DPH6: variants seen among roughly 807,000 people sequenced by gnomAD.
DPH6 encodes the protein diphthine--ammonia ligase.
In DPH6, 33 loss-of-function variants were observed where a neutral mutation model predicts 38.2. The observed-to-expected ratio is 0.86, with a 90% CI of 0.65 to 1.15. The LOEUF is 1.15. Ranked by LOEUF, DPH6 falls within the 50% of genes most tolerant of loss-of-function variation. The pLI is 0.00. For missense variants in DPH6, 325 were observed against 320.0 expected (o/e 1.02, Z -0.12); for synonymous variants, 108 against 103.0 (o/e 1.05, Z -0.30).
At chr15:35,252,971 G>T (rs530731437) in intron 3 of DPH6, among the ~76,000 whole-genome samples, 2 of 152,318 alleles carry the variant, frequency 1.3e-5, no homozygotes, top group Non-Finnish European at 2.9e-5. Flanking sequence ...AGGACAGCAA[G>T]CAGGATGTGA....
chr15:35,430,983 C>T (rs905939361), intron 5 of DPH6, among the ~76,000 whole-genome samples: 1 of 152,094 alleles, frequency 6.6e-6, no homozygotes, highest in Admixed American at 6.5e-5. Flanking sequence ...ACAAAACCTC[C>T]TACTTCCAGT....
chr15:35,278,151 C>T (rs1280790170), intron 3 of DPH6, among the ~76,000 whole-genome samples: 6 of 152,186 alleles, frequency 3.9e-5, no homozygotes, highest in Admixed American at 3.3e-4. Flanking sequence ...ATATCACAGG[C>T]CCAGAAGCCT....
intron 6 of DPH6, among the ~76,000 whole-genome samples, chr15:35,394,837 A>G (rs1291196051): frequency 6.6e-6 from 1 of 152,210 alleles, no homozygotes; most frequent in Non-Finnish European, 1.5e-5. Context: ...GGGGCTGCTA[A>G]TTTTATTTTT....
chr15:35,405,366 T>C (rs960147694), intron 6 of DPH6, among the ~76,000 whole-genome samples: 1 of 152,110 alleles, frequency 6.6e-6, no homozygotes. Flanking sequence ...CATTTTTTAA[T>C]GTCCACTTCA....
chr15:35,345,004 T>C (rs542005354), intron 3 of DPH6, among the ~76,000 whole-genome samples: 4 of 151,936 alleles, frequency 2.6e-5, no homozygotes, highest in South Asian at 2.1e-4. Context: ...ATATGGCATA[T>C]ATGTTAAAAT....
the DPH6 span, among the ~76,000 whole-genome samples, chr15:35,178,862 T>G: frequency 6.6e-6 from 1 of 152,122 alleles, no homozygotes; most frequent in South Asian, 2.1e-4. Context: ...AACATATTTT[T>G]GTACCCCAAC....
intron 5 of DPH6, among the ~76,000 whole-genome samples, chr15:35,426,383 G>C (rs2141023401): frequency 6.6e-6 from 1 of 151,768 alleles, no homozygotes; most frequent in African/African-American, 2.4e-5. Context: ...AATACAAATT[G>C]CTTTTAACCT....
intron 6 of DPH6, chr15:35,396,513 A>C (rs1415211994): frequency 6.6e-6 from 1 of 152,128 alleles, no homozygotes; most frequent in African/African-American, 2.4e-5. Context: ...TCTTACCTAT[A>C]ACAATCCAGC....
At chr15:35,412,771 A>G (rs1264740822) in intron 5 of DPH6, among the ~76,000 whole-genome samples, 6 of 151,776 alleles carry the variant, frequency 4.0e-5, no homozygotes, top group Admixed American at 2.0e-4. Context: ...ACATTCTGGA[A>G]AAGATAAAAC....
chr15:35,462,486 C>A (rs1465404595), intron 3 of DPH6, among the ~76,000 whole-genome samples: 1 of 152,220 alleles, frequency 6.6e-6, no homozygotes, highest in Non-Finnish European at 1.5e-5. Flanking sequence ...GCAGTCCTTA[C>A]TGCTCCTCAA....
At chr15:35,166,182 G>A in the DPH6 span, among the ~76,000 whole-genome samples, 12 of 151,980 alleles carry the variant, frequency 7.9e-5, no homozygotes, top group South Asian at 2.1e-4. Context: ...CATGTGGGAG[G>A]TGCCCTCCTT....
chr15:35,426,255 A>G (rs957253552), intron 5 of DPH6, among the ~76,000 whole-genome samples: 1 of 151,778 alleles, frequency 6.6e-6, no homozygotes, highest in Non-Finnish European at 1.5e-5. Flanking sequence ...AAAGGTAGAA[A>G]TATATTCAAA....
At chr15:35,255,614 G>A (rs2051702849) in intron 3 of DPH6, among the ~76,000 whole-genome samples, 1 of 152,122 alleles carries the variant, frequency 6.6e-6, no homozygotes, top group Non-Finnish European at 1.5e-5. Flanking sequence ...GCCACTAGAA[G>A]TTGCTCAAAC....
At position 35,454,832 on chromosome 15, in the gene DPH6, G is replaced by T; in HGVS notation, c.313-12C>A. On this transcript the variant is annotated splice_polypyrimidine_tract_variant and intron_variant, in intron 3 of 8. Transcript: ENST00000256538. ...ACTTCTTCTTTTTCCTGAAAATAAA[G>T]AAAAAAACCATAACTTTAAAAATAA... 1 of 1,577,140 alleles carries T rather than the reference G, an allele frequency of 6.3e-7. No homozygotes were observed. Among genetic ancestry groups the T allele is most frequent in the Non-Finnish European group, 8.6e-7 (1 of 1,161,942 alleles).
chr15:35,246,859 G>T (rs560305105), intron 3 of DPH6, among the ~76,000 whole-genome samples: 59 of 152,218 alleles, frequency 3.9e-4, no homozygotes, highest in African/African-American at 1.4e-3. Context: ...CATACTTTAG[G>T]AGCTGATGCT....
chr15:35,276,995 C>T (rs1462172331), intron 3 of DPH6, among the ~76,000 whole-genome samples: 1 of 152,018 alleles, frequency 6.6e-6, no homozygotes, highest in Non-Finnish European at 1.5e-5. Flanking sequence ...AGGGATTACA[C>T]TGAATTTGTA....
chr15:35,522,103 C>T (rs2054930374), intron 3 of DPH6: 1 of 1,612,766 alleles, frequency 6.2e-7, no homozygotes, highest in Non-Finnish European at 8.5e-7. Flanking sequence ...TCATACTTCA[C>T]ATTTTGCAAT....
intron 5 of DPH6, 73 bp downstream of exon 5, chr15:35,450,612 T>G (rs2053919823): frequency 8.2e-7 from 1 of 1,220,284 alleles, no homozygotes; most frequent in African/African-American, 1.5e-5. Context: ...CTTTGTTCAT[T>G]TTAACTACTT....
At chr15:35,229,204 T>G (rs2051501498) in intron 3 of DPH6, among the ~76,000 whole-genome samples, 1 of 152,174 alleles carries the variant, frequency 6.6e-6, no homozygotes, top group Admixed American at 6.5e-5. Context: ...TGAGGCTATT[T>G]TCTCGATCTT....
Sources: gnomAD v4.1 joint callset for allele counts (sites outside exome capture counted in the v4.1 genomes callset) on GRCh38, gnomAD v4.1.1 for gene constraint, MANE v1.5 for transcripts, NCBI Gene and HGNC (gene_info 2026-07-23, HGNC 2026-07-21) for gene names.